The following CDK14 variants were observed in gnomAD, a reference collection of about 807,000 sequenced individuals.
The protein encoded by CDK14 is cyclin-dependent kinase 14.
CDK14 carries 34 observed loss-of-function variants against 60.7 expected under a neutral mutation model. That is an observed-to-expected ratio of 0.56 (90% CI 0.43 to 0.75). The LOEUF is 0.75. CDK14 is among the 30% of genes least tolerant of loss of function. CDK14 has a pLI of 0.00. For synonymous variants in CDK14, 197 were observed against 203.7 expected (o/e 0.97, Z 0.28); for missense variants, 482 against 564.1 (o/e 0.85, Z 1.47).
chr7:90,822,755 T>A (rs924900301), intron 5 of CDK14, among the ~76,000 whole-genome samples: 1 of 152,190 alleles, frequency 6.6e-6, no homozygotes, highest in African/African-American at 2.4e-5. Context: ...TAATGATTGT[T>A]GCAAAGATGG....
intron 9 of CDK14, among the ~76,000 whole-genome samples, chr7:90,973,654 C>T (rs1007721813): frequency 6.6e-6 from 1 of 152,084 alleles, no homozygotes; most frequent in African/African-American, 2.4e-5. Flanking sequence ...AGAAATTTTA[C>T]AGCTGGGCCT....
At chr7:90,785,786 CA>C (rs34034860) in intron 4 of CDK14, among the ~76,000 whole-genome samples, 22 of 45,974 alleles carry the variant, frequency 4.8e-4, no homozygotes, top group Non-Finnish European at 7.4e-4. Context: ...GACTCCGTCT[CA>C]AAAAAAAAAA....
intron 4 of CDK14, among the ~76,000 whole-genome samples, chr7:90,787,833 A>G (rs1033171001): frequency 2.0e-5 from 3 of 152,216 alleles, no homozygotes; most frequent in Non-Finnish European, 4.4e-5. Flanking sequence ...CCATGAACCT[A>G]GGTCTTGTTT....
chr7:90,935,907 T>C (rs985333364), intron 8 of CDK14, among the ~76,000 whole-genome samples: 3 of 151,998 alleles, frequency 2.0e-5, no homozygotes, highest in Non-Finnish European at 4.4e-5. Flanking sequence ...ATTAGCCACA[T>C]GTGGTGACGT....
intron 10 of CDK14, among the ~76,000 whole-genome samples, chr7:91,000,951 T>A (rs541155031): frequency 1.3e-5 from 2 of 152,336 alleles, no homozygotes; most frequent in African/African-American, 4.8e-5. Flanking sequence ...GCTATTCATG[T>A]CAGGTTAGTT....
chr7:90,971,225 T>A (rs779164708), intron 9 of CDK14, among the ~76,000 whole-genome samples: 5 of 151,960 alleles, frequency 3.3e-5, no homozygotes, highest in Non-Finnish European at 7.4e-5. Context: ...TTGTGAGATC[T>A]TGGAACTGAA....
chr7:90,826,720 T>G (rs1789735303), intron 5 of CDK14, among the ~76,000 whole-genome samples: 1 of 152,152 alleles, frequency 6.6e-6, no homozygotes, highest in Non-Finnish European at 1.5e-5. Context: ...TTGACTTTAT[T>G]TTTTAGAACT....
chr7:90,715,828 C>T (rs142720966), intron 2 of CDK14, among the ~76,000 whole-genome samples: 65 of 151,810 alleles, frequency 4.3e-4, no homozygotes, highest in Admixed American at 2.5e-3. Context: ...GATTGGAAAA[C>T]GCTGTGTTTT....
In CDK14 at chr7:90,657,103, G is replaced by A. The variant is rs535496890; in HGVS notation, c.123+52854G>A. 3.3e-5 allele frequency among the ~76,000 whole-genome samples: 5 copies of A among 152,192 alleles called. No homozygotes were observed. In the East Asian group the frequency reaches 9.7e-4, roughly 29 times the overall value. On this transcript the variant is annotated intron_variant, in intron 2 of 14. Transcript: ENST00000380050. The stretch of plus-strand genomic sequence containing the variant: ...AACATTTGGTTGATTAGAAATTCCT[G>A]TTTCTCATTTATGTAACTCCTTCTC...
At chr7:90,662,334 G>T (rs1800881247) in intron 2 of CDK14, among the ~76,000 whole-genome samples, 1 of 152,202 alleles carries the variant, frequency 6.6e-6, no homozygotes, top group Admixed American at 6.5e-5. Context: ...CAGCACCCAG[G>T]TTATGCTGTG....
chr7:90,674,643 G>A (rs2027942), intron 2 of CDK14, among the ~76,000 whole-genome samples: 143,618 of 152,282 alleles, frequency 0.94, 67,754 homozygotes, highest in East Asian at 1. Context: ...TCAGAGGGCT[G>A]AAAAATACCA....
chr7:90,788,447 A>G (rs951265023), intron 4 of CDK14, among the ~76,000 whole-genome samples: 2 of 152,162 alleles, frequency 1.3e-5, no homozygotes, highest in Admixed American at 6.5e-5. Flanking sequence ...GGATTAGAAA[A>G]ATCAAGAAAA....
At position 91,035,663 on chromosome 7, in the gene CDK14, C is replaced by T. The variant is rs189977579; in HGVS notation, c.1042-10234C>T. The stretch of plus-strand genomic sequence containing the variant: ...AGCATCTGGTACTGGCACAGCAATC[C>T]AGATGTGTTCTGACTAGTATATCAT... On this transcript the variant is annotated intron_variant, in intron 10 of 14. Coordinates refer to ENST00000380050, the MANE Select transcript of CDK14 (RefSeq NM_001287135.2). Among the ~76,000 whole-genome samples, 3 of 149,818 alleles carry T rather than the reference C, an allele frequency of 2.0e-5. No homozygotes were observed. In the East Asian group the frequency reaches 5.9e-4, roughly 30 times the overall value.
chr7:90,619,218 A>C (rs994427050), intron 2 of CDK14, among the ~76,000 whole-genome samples: 2 of 152,210 alleles, frequency 1.3e-5, no homozygotes, highest in Admixed American at 6.5e-5. Flanking sequence ...AAAGAAATGA[A>C]GCTAAGGCAA....
At chr7:90,879,243 G>A (rs951845250) in intron 6 of CDK14, among the ~76,000 whole-genome samples, 2 of 152,074 alleles carry the variant, frequency 1.3e-5, no homozygotes, top group South Asian at 2.1e-4. Flanking sequence ...ATATATGTGT[G>A]TATGTTTATG....
intron 2 of CDK14, among the ~76,000 whole-genome samples, chr7:90,621,092 TTCACATATG>T (rs1486350930): frequency 6.6e-6 from 1 of 152,196 alleles, no homozygotes; most frequent in Admixed American, 6.5e-5. Flanking sequence ...GGAAACAGCG[TTCACATATG>T]TCACATCTAC....
At chr7:90,711,882 A>ACTTTTTTTTTTTTT (rs1408956904) in intron 2 of CDK14, among the ~76,000 whole-genome samples, 1 of 110,820 alleles carries the variant, frequency 9.0e-6, no homozygotes. Flanking sequence ...ATAGTCTACT[A>ACTTTTTTTTTTTTT]TGTTTTTTTT....
intron 11 of CDK14, among the ~76,000 whole-genome samples, chr7:91,069,263 G>A (rs1798067643): frequency 6.6e-6 from 1 of 152,126 alleles, no homozygotes. Flanking sequence ...AAGAAGTCAG[G>A]CACAGCGGCT....
intron 14 of CDK14, among the ~76,000 whole-genome samples, chr7:91,174,876 A>G (rs1247507189): frequency 8.1e-6 from 1 of 123,256 alleles, no homozygotes; most frequent in Non-Finnish European, 1.7e-5. Context: ...AAGTTGGAAA[A>G]CACTCTGCAG....
Sources: gnomAD v4.1 joint callset for allele counts (sites outside exome capture counted in the v4.1 genomes callset) on GRCh38, gnomAD v4.1.1 for gene constraint, MANE v1.5 for transcripts, NCBI Gene and HGNC (gene_info 2026-07-23, HGNC 2026-07-21) for gene names.